BEND6: variants seen among roughly 807,000 people sequenced by gnomAD.
BEND6 encodes the protein BEN domain containing 6, also known as BEN domain-containing protein 6.
A neutral mutation model predicts 31.8 loss-of-function variants in BEND6; 24 were observed. That is an observed-to-expected ratio of 0.75 (90% CI 0.55 to 1.06). The LOEUF (loss-of-function observed/expected upper bound fraction) is 1.06. BEND6 is among the 50% of genes least tolerant of loss of function. The pLI, the probability that BEND6 is intolerant of heterozygous loss-of-function variation, is 0.00. For synonymous variants in BEND6, 109 were observed against 114.6 expected (o/e 0.95, Z 0.31); for missense variants, 294 against 327.4 (o/e 0.90, Z 0.79).
At chr6:57,022,432 C>A (rs939099836) in intron 6 of BEND6, among the ~76,000 whole-genome samples, 4 of 151,784 alleles carry the variant, frequency 2.6e-5, no homozygotes, top group African/African-American at 9.7e-5. Context: ...TCATAATACT[C>A]TCTAATGAGT....
At chr6:57,006,611 A>G (rs1378437818) in intron 3 of BEND6, among the ~76,000 whole-genome samples, 1 of 152,262 alleles carries the variant, frequency 6.6e-6, no homozygotes, top group Admixed American at 6.5e-5. Context: ...TTGAATGGGA[A>G]GTACTGGTTT....
At chr6:56,977,801 A>T (rs890446634) in intron 1 of BEND6, among the ~76,000 whole-genome samples, 32 of 152,228 alleles carry the variant, frequency 2.1e-4, no homozygotes, top group Admixed American at 1.0e-3. Flanking sequence ...TACGAAAAAT[A>T]AAAAAATTAG....
chr6:56,990,371 C>G (rs920486508), intron 2 of BEND6, among the ~76,000 whole-genome samples: 2 of 151,292 alleles, frequency 1.3e-5, no homozygotes, highest in African/African-American at 2.4e-5. Context: ...CTCAGCCCCC[C>G]GAGTAACCAG....
Position 56,977,726 on chromosome 6 carries a change from G to A in BEND6, c.-100-3985G>A, listed in dbSNP as rs1361620405. ...TAATCCCAGCATTTGGAAGGCCAAG[G>A]CAGGAAGGTCACTTGAAGCCGGGAG... is the stretch of plus-strand genomic sequence containing the variant. On this transcript the variant is annotated intron_variant, in intron 1 of 6. Transcript: ENST00000370746. Among the ~76,000 whole-genome samples the A allele has an allele frequency of 2.6e-5, 4 of 152,296 alleles. No individual in the cohort carries two copies. The East Asian group carries it at 7.7e-4, about 29-fold the overall frequency.
rs569336150 is a variant in BEND6, at chr6:56,985,048, C to T, written c.120+3118C>T. On this transcript the variant is annotated intron_variant, in intron 2 of 6. Coordinates refer to ENST00000370746, the MANE Select transcript of BEND6 (RefSeq NM_152731.3). Reference sequence around the variant, plus strand: ...CAGCACTGACAAGGAGTAGCTGATACATACCAGCATTGTTTTTCCAAGCTC... The same window carrying T: ...CAGCACTGACAAGGAGTAGCTGATATATACCAGCATTGTTTTTCCAAGCTC... 2.0e-4 allele frequency among the ~76,000 whole-genome samples: 31 copies of T among 152,328 alleles called. No individual in the cohort carries two copies. The South Asian group carries it at 2.3e-3, about 11-fold the overall frequency.
intron 1 of BEND6, among the ~76,000 whole-genome samples, chr6:56,958,465 C>T (rs145601269): frequency 1.3e-5 from 2 of 152,174 alleles, no homozygotes; most frequent in South Asian, 2.1e-4. Flanking sequence ...AGGTTTTGAG[C>T]TAGGGTAGAG....
chr6:57,007,956 C>T (rs1267679983), intron 3 of BEND6, among the ~76,000 whole-genome samples: 1 of 152,150 alleles, frequency 6.6e-6, no homozygotes, highest in Non-Finnish European at 1.5e-5. Context: ...ATAATTCCAC[C>T]AGACCAACTC....
intron 2 of BEND6, among the ~76,000 whole-genome samples, chr6:56,986,099 A>G (rs1457618013): frequency 1.3e-5 from 2 of 152,144 alleles, no homozygotes; most frequent in East Asian, 1.9e-4. Context: ...TCTTATTTCT[A>G]TTTAATCAAT....
chr6:56,997,472 G>T (rs1192403042), intron 3 of BEND6, among the ~76,000 whole-genome samples: 2 of 152,186 alleles, frequency 1.3e-5, no homozygotes, highest in African/African-American at 4.8e-5. Context: ...AAGTAGTAAA[G>T]TTGGCAATTG....
At chr6:56,996,791 C>T (rs1826730935) in intron 3 of BEND6, among the ~76,000 whole-genome samples, 1 of 152,210 alleles carries the variant, frequency 6.6e-6, no homozygotes, top group Non-Finnish European at 1.5e-5. Context: ...GAAACTCAAT[C>T]CCTTTTACCA....
At chr6:57,025,862 G>A (rs1827885252) in intron 6 of BEND6, among the ~76,000 whole-genome samples, 1 of 152,054 alleles carries the variant, frequency 6.6e-6, no homozygotes, top group Non-Finnish European at 1.5e-5. Flanking sequence ...GGATATTGCT[G>A]GTGAAAATCT....
chr6:56,962,126 C>G (rs959049138), intron 1 of BEND6, among the ~76,000 whole-genome samples: 4 of 152,154 alleles, frequency 2.6e-5, no homozygotes, highest in East Asian at 1.9e-4. Context: ...CTCTCTTTCT[C>G]TCTCTCATCT....
intron 1 of BEND6, among the ~76,000 whole-genome samples, chr6:56,957,312 C>G (rs1008650150): frequency 3.3e-5 from 5 of 152,188 alleles, no homozygotes; most frequent in African/African-American, 1.2e-4. Context: ...CATTTCTGTT[C>G]TTTCCATCAG....
chr6:57,005,441 C>T (rs192178478), intron 3 of BEND6, among the ~76,000 whole-genome samples: 106 of 152,116 alleles, frequency 7.0e-4, no homozygotes, highest in African/African-American at 2.3e-3. Context: ...TTTGGGAGGC[C>T]AAGGCGGGTG....
chr6:57,020,183 T>A (rs536787383), intron 6 of BEND6, among the ~76,000 whole-genome samples: 13 of 152,342 alleles, frequency 8.5e-5, no homozygotes, highest in Admixed American at 4.6e-4. Context: ...ACTTTTCAAT[T>A]ATTAGATAAT....
At chr6:56,975,950 G>C (rs1325718450) in intron 1 of BEND6, 1 of 529,738 alleles carries the variant, frequency 1.9e-6, no homozygotes, top group African/African-American at 1.9e-5. Flanking sequence ...CAGCACCAGA[G>C]CATACACAGT....
At chr6:56,961,651 C>T (rs377312792) in intron 1 of BEND6, among the ~76,000 whole-genome samples, 2 of 152,190 alleles carry the variant, frequency 1.3e-5, no homozygotes, top group East Asian at 3.8e-4. Context: ...CTTGGGTTCA[C>T]AGTCTGCAAA....
At chr6:56,975,970 C>T (rs1354677827) in intron 1 of BEND6, 13 of 520,622 alleles carry the variant, frequency 2.5e-5, no homozygotes, top group Middle Eastern at 3.4e-4. Flanking sequence ...TCATGGTCGA[C>T]GCCATGTGCA....
At chr6:56,983,137 G>C (rs895895402) in intron 2 of BEND6, among the ~76,000 whole-genome samples, 1 of 151,868 alleles carries the variant, frequency 6.6e-6, no homozygotes, top group Non-Finnish European at 1.5e-5. Context: ...ACCTTAATCT[G>C]TTTCTGATTT....
Sources: allele counts gnomAD v4.1 joint callset (sites outside exome capture counted in the v4.1 genomes callset), GRCh38; gene constraint gnomAD v4.1.1; transcripts MANE v1.5; gene names NCBI Gene and HGNC (gene_info 2026-07-23, HGNC 2026-07-21).